Variants in DPY19L3 observed in about 807,000 individuals in gnomAD.
DPY19L3 encodes the protein dpy-19 like C-mannosyltransferase 3.
Under a neutral mutation model 92.3 loss-of-function variants are expected in DPY19L3, and 51 were observed. The ratio of observed to expected loss-of-function variants is 0.55; its 90% CI spans 0.44 to 0.70. The LOEUF (loss-of-function observed/expected upper bound fraction) is 0.70, where lower values mean the gene tolerates loss of function less well. Ranked by LOEUF, DPY19L3 falls within the 30% of genes least tolerant of loss-of-function variation. DPY19L3 has a pLI of 0.00. For missense variants in DPY19L3, 706 were observed against 855.9 expected, an observed-to-expected ratio of 0.82 and a Z score of 2.18; for synonymous variants, 309 against 315.2, an observed-to-expected ratio of 0.98 and a Z score of 0.21.
At chr19:32,446,843 C>T (rs943440426) in intron 8 of DPY19L3, among the ~76,000 whole-genome samples, 3 of 152,114 alleles carry the variant, frequency 2.0e-5, no homozygotes, top group Non-Finnish European at 2.9e-5. Flanking sequence ...TAGAACCCAA[C>T]AACACCTTCA....
At chr19:32,416,833 A>G (rs1387441393) in intron 3 of DPY19L3, among the ~76,000 whole-genome samples, 1 of 152,170 alleles carries the variant, frequency 6.6e-6, no homozygotes, top group Non-Finnish European at 1.5e-5. Context: ...TGATTGGATT[A>G]TTGCCCACAA....
intron 17 of DPY19L3, 24 bp downstream of exon 17, chr19:32,477,678 T>C (rs1242392352): frequency 1.2e-6 from 2 of 1,613,302 alleles, no homozygotes; most frequent in South Asian, 1.1e-5. Context: ...GTGCCTCCCC[T>C]CGCTTCTTGT....
At position 32,484,541 on chromosome 19, in the gene DPY19L3, G is replaced by A. The variant is rs982072098; in HGVS notation, c.*2301G>A. On this transcript the variant is annotated 3_prime_UTR_variant, in exon 19 of 19. Transcript: ENST00000392250. ...AAAACCCACTTGATTTTGCTTCTGA[G>A]TTAGCAGTCAGAAGACCCTCTAAGT... 4.6e-5 allele frequency: 7 copies of A among 152,178 alleles called. No individual in the cohort carries two copies. The highest frequency in any genetic ancestry group is 1.7e-4 in the African/African-American group (7 of 41,438). The allele number at this position is 152,178 out of a possible 1,614,324, so 9.4% of individuals were successfully genotyped here.
Position 32,436,451 on chromosome 19 carries a change from C to A in DPY19L3, c.334C>A (p.His112Asn). The A allele has an allele frequency of 1.3e-6, 2 of 1,502,290 alleles. No homozygotes were observed. The highest frequency in any genetic ancestry group is 1.2e-5 in the South Asian group (1 of 81,076). The allele number at this position is 1,502,290 out of a possible 1,614,324, so 93.1% of individuals were successfully genotyped here. The change falls in exon 5 of 19, where the codon CAT becomes AAT. Residue 112 changes from histidine (H) to asparagine (N), a missense_variant. Coordinates refer to ENST00000392250, the MANE Select transcript of DPY19L3 (RefSeq NM_001172774.2). Reference sequence around the variant, plus strand: ...GACTTTTCACATATCTATAGGTTTTCATGGCCTAATATATGATAATAAAAC... The same window carrying A: ...GACTTTTCACATATCTATAGGTTTTAATGGCCTAATATATGATAATAAAAC... ...LQAPTLVQGFHGLIYDNKTES... is the reference protein window; with the variant it reads ...LQAPTLVQGFNGLIYDNKTES...
chr19:32,458,486 C>T lies in DPY19L3; in HGVS notation c.1299C>T (p.Phe433=), dbSNP rs1371358461. ...TGTCCATCACAGTGATTGTAGCATT[C>T]GTTGTTGCCTTTCATAATCTCAGGT... The part of the protein sequence containing the change: ...FVLSITVIVA[F]VVAFHNLSDS... Residue 433 remains phenylalanine (F), a synonymous_variant, in exon 12 of 19, where the codon TTC becomes TTT. Transcript: ENST00000392250. 4.3e-6 allele frequency: 7 copies of T among 1,610,644 alleles called. No homozygotes were observed. Among genetic ancestry groups the T allele is most frequent in the Admixed American group, 1.7e-5 (1 of 59,308 alleles).
chr19:32,470,781 C>CTTTTTTT (rs71336911), intron 16 of DPY19L3, among the ~76,000 whole-genome samples: 42 of 91,220 alleles, frequency 4.6e-4, no homozygotes, highest in South Asian at 8.8e-4. Flanking sequence ...ATTCCTTTGG[C>CTTTTTTT]TTTTTTTTTT....
intron 9 of DPY19L3, among the ~76,000 whole-genome samples, chr19:32,453,490 A>C (rs770711359): frequency 2.0e-5 from 3 of 152,170 alleles, no homozygotes; most frequent in Non-Finnish European, 4.4e-5. Flanking sequence ...TATTTCTTAG[A>C]GAATTGGAAC....
chr19:32,444,762 A>G (rs764367556), intron 8 of DPY19L3, among the ~76,000 whole-genome samples: 1 of 152,104 alleles, frequency 6.6e-6, no homozygotes, highest in Non-Finnish European at 1.5e-5. Flanking sequence ...GGGAAAACCA[A>G]TTTAAATGAC....
rs535843196 is a variant in DPY19L3, at chr19:32,423,325, G to A, written c.238-9391G>A. On this transcript the variant is annotated intron_variant, in intron 3 of 18. Transcript: ENST00000392250. Reference sequence around the variant, plus strand: ...GTGATCTTGGCTCACTGCAACCTCCGCCTTCTGGGTTCAAGCAGTTGTGCC... The same window carrying A: ...GTGATCTTGGCTCACTGCAACCTCCACCTTCTGGGTTCAAGCAGTTGTGCC... Among the ~76,000 whole-genome samples, 48 of 151,208 alleles carry A rather than the reference G, an allele frequency of 3.2e-4. 1 individual carries two copies. Among genetic ancestry groups the A allele is most frequent in the African/African-American group, 7.5e-4 (31 of 41,162 alleles).
chr19:32,477,582 G>C lies in DPY19L3; in HGVS notation c.1758G>C (p.Lys586Asn). 1 of 1,614,184 alleles carries C rather than the reference G, an allele frequency of 6.2e-7. No homozygotes were observed. The highest frequency in any genetic ancestry group is 8.5e-7 in the Non-Finnish European group (1 of 1,180,032). ...AGSMQLLAGV[K>N]LCTGRTLTNH... ...GCATGCAGTTGCTGGCCGGAGTCAA[G>C]CTGTGCACGGGAAGGACCCTAACCA... The change falls in exon 17 of 19, where the codon AAG (lysine) becomes AAC (asparagine). Residue 586 changes from lysine to asparagine, a missense_variant. Transcript: ENST00000392250.
At chr19:32,425,208 A>G (rs772446188) in intron 3 of DPY19L3, among the ~76,000 whole-genome samples, 1 of 152,198 alleles carries the variant, frequency 6.6e-6, no homozygotes, top group Non-Finnish European at 1.5e-5. Flanking sequence ...ATGATTAAAA[A>G]TAAATAAATA....
At chr19:32,472,854 T>G (rs1970398239) in intron 16 of DPY19L3, among the ~76,000 whole-genome samples, 1 of 152,364 alleles carries the variant, frequency 6.6e-6, no homozygotes, top group South Asian at 2.1e-4. Flanking sequence ...TGCAGTATTT[T>G]CTCAATGGGT....
At chr19:32,444,299 A>G (rs1238073409) in intron 8 of DPY19L3, among the ~76,000 whole-genome samples, 1 of 152,210 alleles carries the variant, frequency 6.6e-6, no homozygotes, top group African/African-American at 2.4e-5. Flanking sequence ...GAAAAATTCC[A>G]GTAATCGAAG....
intron 16 of DPY19L3, among the ~76,000 whole-genome samples, chr19:32,475,593 T>G (rs1970482186): frequency 6.6e-6 from 1 of 152,248 alleles, no homozygotes; most frequent in African/African-American, 2.4e-5. Context: ...ACTTGTTTCC[T>G]TTAGCAATTA....
At position 32,482,449 on chromosome 19, in the gene DPY19L3, T is replaced by G. The variant is rs17832852; in HGVS notation, c.*209T>G. On this transcript the variant is annotated 3_prime_UTR_variant, in exon 19 of 19. Coordinates refer to ENST00000392250, the MANE Select transcript of DPY19L3 (RefSeq NM_001172774.2). ...TTCGTTGTGTGTCTATCTTTCTCAT[T>G]AATGTTCTTTAGCCTAAATGTTAAC... 86,032 of 547,950 alleles carry G rather than the reference T, an allele frequency of 0.16. 10,136 individuals are homozygous for G. Among genetic ancestry groups the G allele is most frequent in the East Asian group, 0.48 (14,990 of 31,080 alleles). The allele number at this position is 547,950 out of a possible 1,614,324, so 33.9% of individuals were successfully genotyped here.
chr19:32,437,041 G>T (rs1022009299), intron 5 of DPY19L3, among the ~76,000 whole-genome samples, 153 bp from the exon 6 acceptor site: 1 of 148,632 alleles, frequency 6.7e-6, no homozygotes, highest in Non-Finnish European at 1.5e-5. Flanking sequence ...AAGGCTACCC[G>T]AACGCTTCTC....
Position 32,450,978 on chromosome 19 carries a change from TTATTA to T in DPY19L3, c.856-2166_856-2162del, listed in dbSNP as rs771995845. Among the ~76,000 whole-genome samples, 73 of 152,202 alleles carry T rather than the reference TTATTA, an allele frequency of 4.8e-4. 1 individual carries two copies. Among genetic ancestry groups the T allele is most frequent in the Non-Finnish European group, 9.7e-4 (66 of 68,024 alleles). On this transcript the variant is annotated intron_variant, in intron 8 of 18. Coordinates refer to ENST00000392250, the MANE Select transcript of DPY19L3 (RefSeq NM_001172774.2). ...TTTTATTCATCAGTTCCTCCAATGT[TTATTA>T]AGTGCCGCTCTTCTAGTGTGTATTC... is the stretch of plus-strand genomic sequence containing the variant.
At chr19:32,421,203 T>C (rs1039016970) in intron 3 of DPY19L3, among the ~76,000 whole-genome samples, 1 of 152,222 alleles carries the variant, frequency 6.6e-6, no homozygotes, top group African/African-American at 2.4e-5. Flanking sequence ...TTATTCTCAC[T>C]TTAAAGTGGC....
At chr19:32,465,762 G>A (rs140246483) in intron 15 of DPY19L3, among the ~76,000 whole-genome samples, 2 of 152,208 alleles carry the variant, frequency 1.3e-5, no homozygotes, top group East Asian at 3.9e-4. Flanking sequence ...GTTCTGTTAT[G>A]AGCCTGTCTA....
Sources: gnomAD v4.1 joint callset for allele counts (sites outside exome capture counted in the v4.1 genomes callset) on GRCh38, gnomAD v4.1.1 for gene constraint, MANE v1.5 for transcripts, NCBI Gene and HGNC (gene_info 2026-07-23, HGNC 2026-07-21) for gene names.